Variants in MISFA observed in about 807,000 individuals in gnomAD.
MISFA encodes the protein mitochondrial sheath formation-associated protein.
At chr11:18,608,223 A>G in the MISFA span, 2 of 152,646 alleles carry the variant, frequency 1.3e-5, no homozygotes, top group East Asian at 3.8e-4. Flanking sequence ...GACACCTTTC[A>G]TGGGATTCAA....
chr11:18,600,646 G>A, the MISFA span, among the ~76,000 whole-genome samples: 5 of 146,604 alleles, frequency 3.4e-5, no homozygotes, highest in South Asian at 2.2e-4. Context: ...TCAGCCTCCC[G>A]AGTAGCTGGG....
the MISFA span, chr11:18,603,925 T>TTTTC: frequency 8.6e-6 from 3 of 350,238 alleles, no homozygotes; most frequent in East Asian, 1.1e-4. Context: ...CACTTTTTTT[T>TTTTC]TTTTTTTTTT....
chr11:18,606,624 T>A, the MISFA span: 3 of 367,400 alleles, frequency 8.2e-6, no homozygotes, highest in Non-Finnish European at 1.5e-5. Context: ...ACACTAAACG[T>A]CTGAATATTT....
At chr11:18,608,251 T>G in the MISFA span, 1 of 152,646 alleles carries the variant, frequency 6.6e-6, no homozygotes, top group Non-Finnish European at 1.5e-5. Context: ...ATTAAATCCT[T>G]GCACTTTCAA....
chr11:18,604,554 G>A, the MISFA span, among the ~76,000 whole-genome samples: 1 of 151,804 alleles, frequency 6.6e-6, no homozygotes, highest in Admixed American at 6.6e-5. Context: ...CCAGCTACTC[G>A]GGAGGCAGTG....
chr11:18,602,634 G>C, the MISFA span: 1 of 152,990 alleles, frequency 6.5e-6, no homozygotes, highest in Admixed American at 6.5e-5. Context: ...CCTAACAATA[G>C]CATATTAAGT....
chr11:18,600,807 A>G, the MISFA span, among the ~76,000 whole-genome samples: 1 of 152,132 alleles, frequency 6.6e-6, no homozygotes, highest in Non-Finnish European at 1.5e-5. Context: ...GGCGTGAGCC[A>G]CTGCGCCCGG....
the MISFA span, chr11:18,607,601 A>G: frequency 6.6e-6 from 1 of 152,642 alleles, no homozygotes; most frequent in African/African-American, 2.4e-5. Context: ...AGCCTACTCC[A>G]GTTTCTTCAA....
the MISFA span, chr11:18,602,314 C>G: frequency 6.6e-6 from 1 of 152,420 alleles, no homozygotes; most frequent in African/African-American, 2.4e-5. Flanking sequence ...GGAAGCTACT[C>G]CAGAAGTTAG....
At chr11:18,603,343 G>T in the MISFA span, 1 of 395,736 alleles carries the variant, frequency 2.5e-6, no homozygotes, top group East Asian at 3.6e-5. Context: ...TGTTGGGAGG[G>T]TTCCCATTTT....
chr11:18,602,296 G>A, the MISFA span: 1 of 152,346 alleles, frequency 6.6e-6, no homozygotes, highest in African/African-American at 2.4e-5. Context: ...AGGAGCAGAA[G>A]GTTTTTTGGA....
chr11:18,600,512 CTTTTTT>C, the MISFA span, among the ~76,000 whole-genome samples: 1 of 54,030 alleles, frequency 1.9e-5, no homozygotes, highest in African/African-American at 8.3e-5. Context: ...TGGGGACATC[CTTTTTT>C]TTTTTTTTTT....
the MISFA span, chr11:18,602,688 T>G: frequency 6.4e-6 from 1 of 156,772 alleles, no homozygotes; most frequent in Non-Finnish European, 1.4e-5. Flanking sequence ...TCTTAATGAA[T>G]CCAGGCTTTT....
At chr11:18,606,718 T>A in the MISFA span, 1 of 405,320 alleles carries the variant, frequency 2.5e-6, no homozygotes. Context: ...TTCATATATT[T>A]ATTCTCTTTC....
the MISFA span, chr11:18,602,992 TCC>T: frequency 2.5e-6 from 1 of 396,042 alleles, no homozygotes; most frequent in Non-Finnish European, 4.4e-6. Context: ...GCCACGAAGC[TCC>T]TTAGTGAGGA....
the MISFA span, among the ~76,000 whole-genome samples, chr11:18,604,186 A>T: frequency 6.6e-5 from 10 of 151,534 alleles, no homozygotes; most frequent in Non-Finnish European, 1.2e-4. Flanking sequence ...TCGGCCTCCC[A>T]AAGTGCTGGG....
the MISFA span, chr11:18,601,691 T>C: frequency 3.2e-4 from 128 of 396,084 alleles, no homozygotes; most frequent in Non-Finnish European, 3.8e-4. Flanking sequence ...ATTGCAGGCA[T>C]AAACCACCGT....
chr11:18,603,969 C>G, the MISFA span: 2 of 326,628 alleles, frequency 6.1e-6, no homozygotes, highest in Non-Finnish European at 5.4e-6. Context: ...CTGTGTCGCC[C>G]AGGCTGGAGT....
At chr11:18,600,756 G>A in the MISFA span, among the ~76,000 whole-genome samples, 5 of 151,634 alleles carry the variant, frequency 3.3e-5, no homozygotes, top group South Asian at 2.1e-4. Context: ...TCCTAACTTC[G>A]TGATCCGCCT....
Sources: allele counts gnomAD v4.1 joint callset (sites outside exome capture counted in the v4.1 genomes callset), GRCh38; gene constraint gnomAD v4.1.1; transcripts MANE v1.5; gene names NCBI Gene and HGNC (gene_info 2026-07-23, HGNC 2026-07-21).